PTPRE: variants seen among roughly 807,000 people sequenced by gnomAD.
PTPRE encodes protein tyrosine phosphatase receptor type E, also known as receptor-type tyrosine-protein phosphatase epsilon.
A neutral mutation model predicts 102.0 loss-of-function variants in PTPRE; 51 were observed. The ratio of observed to expected loss-of-function variants is 0.50; its 90% CI spans 0.40 to 0.63. The LOEUF is 0.63. PTPRE is among the 30% of genes least tolerant of loss of function. The pLI is 0.00. For missense variants in PTPRE, 752 were observed against 915.1 expected (o/e 0.82, Z 2.30); for synonymous variants, 345 against 348.2 (o/e 0.99, Z 0.10).
intron 1 of PTPRE, among the ~76,000 whole-genome samples, chr10:127,918,891 AG>A (rs1386872325): frequency 3.3e-5 from 5 of 152,218 alleles, no homozygotes; most frequent in Non-Finnish European, 7.3e-5. Flanking sequence ...GAAGTGCAAG[AG>A]TTATCTTCCC....
chr10:128,060,358 G>C (rs574267640), intron 7 of PTPRE, among the ~76,000 whole-genome samples: 3 of 152,298 alleles, frequency 2.0e-5, no homozygotes, highest in South Asian at 2.1e-4. Flanking sequence ...CAACAGGCTG[G>C]ATCTACCAGA....
intron 1 of PTPRE, among the ~76,000 whole-genome samples, chr10:127,952,335 G>GC (rs200285998): frequency 4.7e-5 from 3 of 63,406 alleles, no homozygotes; most frequent in Non-Finnish European, 6.8e-5. Context: ...TGCCCACCCC[G>GC]CCCCCCCTAG....
At chr10:127,939,744 C>G (rs1848085493) in intron 1 of PTPRE, among the ~76,000 whole-genome samples, 1 of 151,952 alleles carries the variant, frequency 6.6e-6, no homozygotes, top group Non-Finnish European at 1.5e-5. Flanking sequence ...GAGATAGGCT[C>G]TGGAAGGAGA....
chr10:128,020,664 T>G (rs1215165366), intron 2 of PTPRE, among the ~76,000 whole-genome samples: 2 of 152,208 alleles, frequency 1.3e-5, no homozygotes, highest in Non-Finnish European at 2.9e-5. Context: ...TGCTGGTCCT[T>G]ACTCTTCTGC....
intron 2 of PTPRE, among the ~76,000 whole-genome samples, chr10:128,020,068 G>C (rs1461546316): frequency 1.4e-5 from 2 of 147,056 alleles, no homozygotes; most frequent in African/African-American, 4.9e-5. Flanking sequence ...GTGTGTGTGT[G>C]TGTGTGTGCG....
chr10:128,059,945 C>T (rs982304360), intron 7 of PTPRE, among the ~76,000 whole-genome samples: 2 of 150,198 alleles, frequency 1.3e-5, no homozygotes, highest in African/African-American at 4.9e-5. Flanking sequence ...CATGCACACA[C>T]ACACACACAA....
At chr10:128,047,032 G>A (rs1370454573) in intron 3 of PTPRE, among the ~76,000 whole-genome samples, 3 of 152,190 alleles carry the variant, frequency 2.0e-5, no homozygotes, top group Non-Finnish European at 4.4e-5. Context: ...AGCCTCCCGC[G>A]CTGTCCTAGG....
chr10:128,069,424 A>C (rs1850561807), intron 12 of PTPRE: 1 of 439,824 alleles, frequency 2.3e-6, no homozygotes, highest in East Asian at 3.6e-5. Flanking sequence ...AGTGAGAAAA[A>C]TTCTCCACAC....
Position 128,047,372 on chromosome 10 carries a change from T to C in PTPRE, c.110-18T>C. The C allele has an allele frequency of 6.2e-7, 1 of 1,611,688 alleles. No individual in the cohort carries two copies. The highest frequency in any genetic ancestry group is 8.5e-7 in the Non-Finnish European group (1 of 1,179,406). On this transcript the variant is annotated intron_variant, in intron 3 of 20. Coordinates refer to ENST00000254667, the MANE Select transcript of PTPRE (RefSeq NM_006504.6). The stretch of plus-strand genomic sequence containing the variant: ...TGAAGTGAGGTCAGGGGTTAGGGTC[T>C]TTCTGCTTCTCCTGCAGGCCCTCCG...
chr10:127,980,557 GGGACAAATC>G (rs1851530973), intron 1 of PTPRE, among the ~76,000 whole-genome samples: 1 of 152,022 alleles, frequency 6.6e-6, no homozygotes, highest in African/African-American at 2.4e-5. Flanking sequence ...AAATAGGAGT[GGGACAAATC>G]CTTGCTTTGT....
chr10:128,073,459 GGA>G lies in PTPRE; in HGVS notation c.1595_1596del (p.Glu532AlafsTer3). 1 of 1,613,942 alleles carries G rather than the reference GGA, an allele frequency of 6.2e-7. No homozygotes were observed. The highest frequency in any genetic ancestry group is 8.5e-7 in the Non-Finnish European group (1 of 1,179,934). ...HTIVMLTEVQ[E>X]REQDKCYQYW... ...CTATCGTGATGCTGACGGAGGTGCA[GGA>G]GAGAGAGCAGGTGAGGAGTGCCGCC... is the stretch of plus-strand genomic sequence containing the variant. On this transcript the variant is annotated frameshift_variant, in exon 17 of 21. Coordinates refer to ENST00000254667, the MANE Select transcript of PTPRE (RefSeq NM_006504.6). LOFTEE classifies it high-confidence loss of function.
At chr10:128,063,303 A>T (rs1849777317) in intron 10 of PTPRE, 123 bp downstream of exon 10, 1 of 1,479,826 alleles carries the variant, frequency 6.8e-7, no homozygotes, top group Admixed American at 2.3e-5. Flanking sequence ...TGCAGAAAAA[A>T]ACCCAAACAC....
At position 128,056,726 on chromosome 10, in the gene PTPRE, T is replaced by A. The variant is rs1015501592; in HGVS notation, c.511+513T>A. Reference sequence around the variant, plus strand: ...TAGGAAGGCTCTGAATCGACCTGATTTAACCCCAGCAGTACAAGTGGGCAT... The same window carrying A: ...TAGGAAGGCTCTGAATCGACCTGATATAACCCCAGCAGTACAAGTGGGCAT... On this transcript the variant is annotated intron_variant, in intron 7 of 20. Coordinates refer to ENST00000254667, the MANE Select transcript of PTPRE (RefSeq NM_006504.6). Among the ~76,000 whole-genome samples the A allele has an allele frequency of 1.2e-4, 18 of 152,042 alleles. 1 individual carries two copies. The highest frequency in any genetic ancestry group is 6.2e-4 in the South Asian group (3 of 4,818).
chr10:128,044,850 A>T (rs987442733), intron 3 of PTPRE, among the ~76,000 whole-genome samples: 3 of 152,134 alleles, frequency 2.0e-5, no homozygotes, highest in East Asian at 1.9e-4. Context: ...CACACCATTT[A>T]AAAAAAATGT....
chr10:128,036,750 C>T (rs1202885315), intron 2 of PTPRE, among the ~76,000 whole-genome samples: 2 of 152,188 alleles, frequency 1.3e-5, no homozygotes, highest in Non-Finnish European at 2.9e-5. Flanking sequence ...TTCCCATTGC[C>T]TCCGGCTTGG....
At chr10:127,909,399 C>T (rs144875762) in intron 1 of PTPRE, among the ~76,000 whole-genome samples, 14 of 152,186 alleles carry the variant, frequency 9.2e-5, no homozygotes, top group Admixed American at 7.2e-4. Context: ...TGTGCTCCAT[C>T]TGCACCACCA....
At chr10:127,970,540 T>C (rs916890201) in intron 1 of PTPRE, among the ~76,000 whole-genome samples, 1 of 151,998 alleles carries the variant, frequency 6.6e-6, no homozygotes, top group African/African-American at 2.4e-5. Context: ...CGTTTTTTCA[T>C]GTATCCTGAA....
At chr10:128,064,223 G>A (rs1034019430) in intron 10 of PTPRE, among the ~76,000 whole-genome samples, 25 of 152,224 alleles carry the variant, frequency 1.6e-4, no homozygotes, top group Admixed American at 2.0e-4. Flanking sequence ...TCTGGTCCCC[G>A]CAGTGCCAGC....
At chr10:127,969,682 A>AGGG (rs67085073) in intron 1 of PTPRE, among the ~76,000 whole-genome samples, 43 of 139,168 alleles carry the variant, frequency 3.1e-4, no homozygotes, top group Middle Eastern at 7.2e-3. Context: ...AAAAAAAAAA[A>AGGG]GGGGGGCGGG....
Sources: allele counts gnomAD v4.1 joint callset (sites outside exome capture counted in the v4.1 genomes callset), GRCh38; gene constraint gnomAD v4.1.1; transcripts MANE v1.5; gene names NCBI Gene and HGNC (gene_info 2026-07-23, HGNC 2026-07-21).